The following COMMD8 variants were observed in gnomAD, a reference collection of about 807,000 sequenced individuals.
COMMD8 encodes COMM domain-containing protein 8.
A neutral mutation model predicts 27.2 loss-of-function variants in COMMD8; 28 were observed. That is an observed-to-expected ratio of 1.03 (90% CI 0.76 to 1.41). The LOEUF (loss-of-function observed/expected upper bound fraction) is 1.41. Ranked by LOEUF, COMMD8 falls within the 40% of genes most tolerant of loss-of-function variation. The pLI, the probability that COMMD8 is intolerant of heterozygous loss-of-function variation, is 0.00. For synonymous variants in COMMD8, 79 were observed against 75.5 expected (o/e 1.05, Z -0.24); for missense variants, 217 against 211.2 (o/e 1.03, Z -0.17).
At chr4:47,453,675 T>C (rs953647607) in intron 3 of COMMD8, among the ~76,000 whole-genome samples, 1 of 152,212 alleles carries the variant, frequency 6.6e-6, no homozygotes, top group Non-Finnish European at 1.5e-5. Flanking sequence ...GTTATCAAGA[T>C]ACCATCTTCA....
chr4:47,461,562 T>C (rs1455010089), intron 1 of COMMD8, among the ~76,000 whole-genome samples: 5 of 152,196 alleles, frequency 3.3e-5, no homozygotes, highest in African/African-American at 1.2e-4. Flanking sequence ...AAAAGCATTA[T>C]CTTTTTTGGA....
chr4:47,463,553 C>G, intron 1 of COMMD8, 33 bp downstream of exon 1: 1 of 1,534,796 alleles, frequency 6.5e-7, no homozygotes. Flanking sequence ...GAATCCCAGG[C>G]CCCGCGCCGC....
At chr4:47,456,070 C>T (rs1451353574) in intron 3 of COMMD8, among the ~76,000 whole-genome samples, 1 of 151,608 alleles carries the variant, frequency 6.6e-6, no homozygotes, top group East Asian at 1.9e-4. Context: ...AATGGCAAAA[C>T]CCCAAATCTC....
intron 1 of COMMD8, 104 bp downstream of exon 1, chr4:47,463,482 C>T: frequency 1.8e-6 from 2 of 1,100,410 alleles, no homozygotes; most frequent in Non-Finnish European, 2.6e-6. Context: ...CCTCCCTTCC[C>T]TAGGGAGCTT....
intron 1 of COMMD8, among the ~76,000 whole-genome samples, chr4:47,462,678 A>G (rs772100236): frequency 1.1e-4 from 16 of 152,166 alleles, no homozygotes; most frequent in Non-Finnish European, 1.8e-4. Flanking sequence ...GCCAAAAGCC[A>G]ATAAAACACT....
chr4:47,458,802 T>A (rs2109356888), intron 2 of COMMD8, among the ~76,000 whole-genome samples: 1 of 152,206 alleles, frequency 6.6e-6, no homozygotes, highest in African/African-American at 2.4e-5. Context: ...TAAAGCAGTA[T>A]AGCATTGGCA....
chr4:47,452,864 C>G (rs546935022), intron 4 of COMMD8, among the ~76,000 whole-genome samples, 195 bp downstream of exon 4: 5 of 152,206 alleles, frequency 3.3e-5, no homozygotes, highest in Non-Finnish European at 4.4e-5. Context: ...GGCCTGGTGG[C>G]AGGCATCTGT....
intron 1 of COMMD8, 45 bp from the exon 2 acceptor site, chr4:47,460,344 G>A: frequency 6.6e-7 from 1 of 1,516,962 alleles, no homozygotes; most frequent in Non-Finnish European, 9.0e-7. Context: ...GTAAAATGAT[G>A]AAACAAATTT....
chr4:47,452,276 G>C (rs1729771887), intron 4 of COMMD8, among the ~76,000 whole-genome samples: 1 of 152,084 alleles, frequency 6.6e-6, no homozygotes. Flanking sequence ...CATTAGTTCT[G>C]TCTTGCCTCA....
chr4:47,459,418 C>A (rs1325665015), intron 2 of COMMD8, among the ~76,000 whole-genome samples: 2 of 152,098 alleles, frequency 1.3e-5, no homozygotes, highest in Non-Finnish European at 2.9e-5. Context: ...TTCAAGATAT[C>A]TACCCCAGAA....
Position 47,456,647 on chromosome 4 carries a change from T to G in COMMD8, c.305A>C (p.Lys102Thr). Reference protein sequence around the residue: ...KCVKSRKDEIKQALSREIVAI... With the variant: ...KCVKSRKDEITQALSREIVAI... ...AACTATTTCTCTTGACAGAGCCTGT[T>G]TGATTTCATCTTTCCTACTTTTCAC... Residue 102 changes from lysine to threonine, a missense_variant, in exon 3 of 5, where the codon AAA becomes ACA. Transcript: ENST00000381571. The G allele has an allele frequency of 6.2e-7, 1 of 1,610,256 alleles. No individual in the cohort carries two copies. The highest frequency in any genetic ancestry group is 2.2e-5 in the East Asian group (1 of 44,542).
At position 47,456,747 on chromosome 4, in the gene COMMD8, G is replaced by A; in HGVS notation, c.223-18C>T. 1 of 1,541,658 alleles carries A rather than the reference G, an allele frequency of 6.5e-7. No homozygotes were observed. Among genetic ancestry groups the A allele is most frequent in the East Asian group, 2.5e-5 (1 of 39,896 alleles). ...TGAAATATCTATAAAAATAAAAACA[G>A]GCAAAAGGGGCTTTCTGTTTAAAAT... On this transcript the variant is annotated intron_variant, in intron 2 of 4. Coordinates refer to ENST00000381571, the MANE Select transcript of COMMD8 (RefSeq NM_017845.5).
intron 3 of COMMD8, among the ~76,000 whole-genome samples, chr4:47,454,335 A>G (rs919061354): frequency 2.0e-5 from 3 of 152,148 alleles, no homozygotes; most frequent in Non-Finnish European, 4.4e-5. Context: ...TATGAATTTT[A>G]GCCTTTTAAA....
At chr4:47,463,175 A>AG (rs35419385) in intron 1 of COMMD8, among the ~76,000 whole-genome samples, 128,372 of 152,084 alleles carry the variant, frequency 0.84, 54,632 homozygotes, top group East Asian at 0.99. Flanking sequence ...ACCACCCTCA[A>AG]GGGGGGAGGC....
chr4:47,458,449 A>T (rs1210556762), intron 2 of COMMD8, among the ~76,000 whole-genome samples: 2 of 152,138 alleles, frequency 1.3e-5, no homozygotes, highest in Non-Finnish European at 2.9e-5. Context: ...CTGAAAAATT[A>T]AAGATCAAAA....
intron 2 of COMMD8, 198 bp downstream of exon 2, chr4:47,459,946 T>C (rs1190777906): frequency 2.2e-6 from 1 of 453,356 alleles, no homozygotes; most frequent in South Asian, 4.6e-5. Flanking sequence ...CTGTATGTTT[T>C]AAATGTTTCA....
At chr4:47,463,216 T>G (rs1405813178) in intron 1 of COMMD8, among the ~76,000 whole-genome samples, 1 of 152,202 alleles carries the variant, frequency 6.6e-6, no homozygotes, top group Non-Finnish European at 1.5e-5. Context: ...TCACATTGTA[T>G]TCCAGCACCT....
chr4:47,463,259 C>T (rs1256742769), intron 1 of COMMD8, among the ~76,000 whole-genome samples: 2 of 152,200 alleles, frequency 1.3e-5, no homozygotes, highest in East Asian at 1.9e-4. Context: ...AGGTAGGGAG[C>T]CTTTGGGAGG....
At chr4:47,453,316 T>C in intron 3 of COMMD8, 102 bp from the exon 4 acceptor site, 1 of 855,528 alleles carries the variant, frequency 1.2e-6, no homozygotes, top group Non-Finnish European at 1.8e-6. Flanking sequence ...AAGTACTGTT[T>C]GCTGTTGAGT....
Sources: gnomAD v4.1 joint callset for allele counts (sites outside exome capture counted in the v4.1 genomes callset) on GRCh38, gnomAD v4.1.1 for gene constraint, MANE v1.5 for transcripts, NCBI Gene and HGNC (gene_info 2026-07-23, HGNC 2026-07-21) for gene names.